PIGK: variants seen among roughly 807,000 people sequenced by gnomAD.
PIGK encodes the protein GPI-anchor transamidase.
PIGK carries 42 observed loss-of-function variants against 50.6 expected under a neutral mutation model. The ratio of observed to expected loss-of-function variants is 0.83; its 90% confidence interval spans 0.65 to 1.07. PIGK has a LOEUF of 1.07. Among genes scored for constraint, PIGK ranks in the 50% least tolerant of loss-of-function variants. PIGK has a pLI of 0.00. For missense variants in PIGK, 448 were observed against 488.7 expected, an observed-to-expected ratio of 0.92 and a Z score of 0.78; for synonymous variants, 151 against 156.0, an observed-to-expected ratio of 0.97 and a Z score of 0.24.
chr1:77,170,223 T>C (rs1655329504), intron 3 of PIGK, among the ~76,000 whole-genome samples: 1 of 152,198 alleles, frequency 6.6e-6, no homozygotes. Flanking sequence ...GCATCCCCAT[T>C]GCATTTAGAG....
chr1:77,173,706 G>T (rs1266216676), intron 3 of PIGK, among the ~76,000 whole-genome samples: 1 of 152,224 alleles, frequency 6.6e-6, no homozygotes, highest in East Asian at 1.9e-4. Flanking sequence ...CTTTCTGTAT[G>T]GTTCTGTTAT....
At chr1:77,182,931 C>A (rs1655653942) in intron 3 of PIGK, among the ~76,000 whole-genome samples, 2 of 152,160 alleles carry the variant, frequency 1.3e-5, no homozygotes, top group Admixed American at 6.5e-5. Flanking sequence ...TGGTTGGTTG[C>A]TCCTAAGCTT....
At chr1:77,154,884 T>C (rs1654975338) in intron 8 of PIGK, among the ~76,000 whole-genome samples, 1 of 152,198 alleles carries the variant, frequency 6.6e-6, no homozygotes, top group Non-Finnish European at 1.5e-5. Context: ...TTGAATTATA[T>C]GCTTCAAAGT....
rs1353942476 is a variant in PIGK at position 77,091,114 on chromosome 1, CA to C, written c.*1259del. The C allele has an allele frequency of 1.3e-5, 2 of 151,998 alleles. No individual in the cohort carries two copies. Among genetic ancestry groups the C allele is most frequent in the Non-Finnish European group, 2.9e-5 (2 of 67,970 alleles). 9.4% of individuals were successfully genotyped at this position (151,998 alleles called of 1,614,324 possible). On this transcript the variant is annotated 3_prime_UTR_variant, in exon 11 of 11. Transcript: ENST00000370812. Reference sequence around the variant, plus strand: ...AATCTTTGCACTGAATAAAGATGAACACATAAATTCTTGCATAAAACAGATA... The same window carrying C: ...AATCTTTGCACTGAATAAAGATGAACCATAAATTCTTGCATAAAACAGATA...
Position 77,109,329 on chromosome 1 carries a change from T to C in PIGK, c.1071+12946A>G, listed in dbSNP as rs907317790. Among the ~76,000 whole-genome samples the C allele has an allele frequency of 6.6e-5, 10 of 152,258 alleles. No individual in the cohort carries two copies. In the East Asian group the frequency reaches 1.9e-3, roughly 29 times the overall value. On this transcript the variant is annotated intron_variant, in intron 10 of 10. Coordinates refer to ENST00000370812, the MANE Select transcript of PIGK (RefSeq NM_005482.3). ...AACAAAAGAGAATTTTAGACCAATA[T>C]CCCTGATTAACATCAATGCAAAAAT... is the stretch of plus-strand genomic sequence containing the variant.
In PIGK at chr1:77,169,398, AG is replaced by A. The variant is rs746134779; in HGVS notation, c.240-4del. 7.6e-6 allele frequency: 12 copies of A among 1,576,952 alleles called. No homozygotes were observed. The African/African-American group carries it at 9.6e-5, about 13-fold the overall frequency. On this transcript the variant is annotated splice_polypyrimidine_tract_variant and splice_region_variant and intron_variant, in intron 3 of 10. Transcript: ENST00000370812. ...CTGCAAGCATTAGGACAATGTGACT[AG>A]GGAAAAAAAATCCAGTAAATATATA... is the stretch of plus-strand genomic sequence containing the variant.
At chr1:77,155,183 A>G (rs1654982072) in intron 8 of PIGK, among the ~76,000 whole-genome samples, 2 of 152,188 alleles carry the variant, frequency 1.3e-5, no homozygotes, top group Non-Finnish European at 2.9e-5. Flanking sequence ...AGCATTTTAT[A>G]TATCAAAGCA....
At chr1:77,136,170 T>C (rs1048116264) in intron 9 of PIGK, among the ~76,000 whole-genome samples, 1 of 152,208 alleles carries the variant, frequency 6.6e-6, no homozygotes, top group Admixed American at 6.5e-5. Flanking sequence ...AAGCTAATAG[T>C]AATTTTCTCT....
chr1:77,140,178 TAGTG>T, intron 9 of PIGK, among the ~76,000 whole-genome samples: 1 of 152,226 alleles, frequency 6.6e-6, no homozygotes, highest in South Asian at 2.1e-4. Flanking sequence ...GTCTTCACCA[TAGTG>T]AGTGAGTTCC....
chr1:77,143,093 T>G (rs1367629591), intron 9 of PIGK, among the ~76,000 whole-genome samples: 1 of 152,184 alleles, frequency 6.6e-6, no homozygotes, highest in Non-Finnish European at 1.5e-5. Context: ...CCTTCTTGTT[T>G]TACCTAACAG....
chr1:77,186,792 G>A (rs184127954), intron 3 of PIGK, among the ~76,000 whole-genome samples: 4 of 152,240 alleles, frequency 2.6e-5, no homozygotes, highest in Admixed American at 6.5e-5. Flanking sequence ...CCTGGTTATG[G>A]CCACTGCTGA....
chr1:77,109,187 G>A lies in PIGK; in HGVS notation c.1071+13088C>T, dbSNP rs185302588. Reference sequence around the variant, plus strand: ...CCGAATTCCACCAGAGGTACAAGGAGGAGCTGGTACCGTTCCTTCTGAAAC... The same window carrying A: ...CCGAATTCCACCAGAGGTACAAGGAAGAGCTGGTACCGTTCCTTCTGAAAC... On this transcript the variant is annotated intron_variant, in intron 10 of 10. Coordinates refer to ENST00000370812, the MANE Select transcript of PIGK (RefSeq NM_005482.3). Among the ~76,000 whole-genome samples the A allele has an allele frequency of 2.8e-4, 43 of 152,308 alleles. No individual in the cohort carries two copies. The East Asian group carries it at 3.5e-3, about 12-fold the overall frequency.
At chr1:77,094,026 G>GA in intron 10 of PIGK, among the ~76,000 whole-genome samples, 1 of 152,176 alleles carries the variant, frequency 6.6e-6, no homozygotes, top group South Asian at 2.1e-4. Context: ...ACGTGTCAAT[G>GA]AAAAAATAAG....
At chr1:77,115,393 GGTACTGT>G (rs1653938127) in intron 10 of PIGK, among the ~76,000 whole-genome samples, 1 of 151,882 alleles carries the variant, frequency 6.6e-6, no homozygotes, top group South Asian at 2.1e-4. Flanking sequence ...AACCTGAGGT[GGTACTGT>G]GTTCCACAGG....
At chr1:77,178,150 T>C (rs1205690285) in intron 3 of PIGK, among the ~76,000 whole-genome samples, 1 of 152,208 alleles carries the variant, frequency 6.6e-6, no homozygotes, top group Admixed American at 6.5e-5. Flanking sequence ...CAGATAAACT[T>C]ATGCCTTGAC....
intron 9 of PIGK, among the ~76,000 whole-genome samples, chr1:77,144,246 C>T (rs2100544685): frequency 6.6e-6 from 1 of 151,922 alleles, no homozygotes; most frequent in African/African-American, 2.4e-5. Context: ...AATAATATTA[C>T]AATTAGTGCA....
intron 10 of PIGK, among the ~76,000 whole-genome samples, chr1:77,106,563 C>G (rs1653682673): frequency 6.6e-6 from 1 of 152,014 alleles, no homozygotes; most frequent in Non-Finnish European, 1.5e-5. Flanking sequence ...AAAAATGAAT[C>G]TTATAATTAC....
At chr1:77,195,758 T>C (rs1417071972) in intron 3 of PIGK, among the ~76,000 whole-genome samples, 2 of 152,100 alleles carry the variant, frequency 1.3e-5, no homozygotes, top group Non-Finnish European at 2.9e-5. Context: ...TTTTATGACC[T>C]TTCATATATA....
chr1:77,158,397 A>T (rs1235396959), intron 8 of PIGK, among the ~76,000 whole-genome samples: 3 of 152,110 alleles, frequency 2.0e-5, no homozygotes, highest in Admixed American at 2.0e-4. Context: ...CAAATACAGT[A>T]AATTGGTACC....
Sources: gnomAD v4.1 joint callset for allele counts (sites outside exome capture counted in the v4.1 genomes callset) on GRCh38, gnomAD v4.1.1 for gene constraint, MANE v1.5 for transcripts, NCBI Gene and HGNC (gene_info 2026-07-23, HGNC 2026-07-21) for gene names.